The following DAPK2 variants were observed in gnomAD, a reference collection of about 807,000 sequenced individuals.
DAPK2 encodes death associated protein kinase 2, also known as death-associated protein kinase 2.
A neutral mutation model predicts 44.1 loss-of-function variants in DAPK2; 35 were observed. The observed-to-expected ratio is 0.79, with a 90% CI of 0.61 to 1.05. DAPK2 has a LOEUF of 1.05. Among genes scored for constraint, DAPK2 ranks in the 50% least tolerant of loss-of-function variants. The pLI is 0.00. For missense variants in DAPK2, 453 were observed against 483.2 expected (o/e 0.94, Z 0.59); for synonymous variants, 174 against 182.6 (o/e 0.95, Z 0.38).
chr15:63,909,871 G>C (rs1316827795), intron 10 of DAPK2: 1 of 152,178 alleles, frequency 6.6e-6, no homozygotes, highest in Non-Finnish European at 1.5e-5. Context: ...TATCTGTCAG[G>C]GAAGAAGGGC....
rs570899155 is a variant in DAPK2, at chr15:63,923,025, G to A, written c.858+1791C>T. The A allele has an allele frequency of 3.9e-5, 60 of 1,535,698 alleles. No individual in the cohort carries two copies. Among genetic ancestry groups the A allele is most frequent in the South Asian group, 9.5e-5 (8 of 84,038 alleles). On this transcript the variant is annotated intron_variant, in intron 8 of 10. Transcript: ENST00000261891. The surrounding 1 kb of genome is among the most constrained non-coding windows in gnomAD (Gnocchi z 4.2). ...AGCTTCTTCAATGACTCCACCTTGC[G>A]GAACTCATACCTGAGCTGGGACAGG... is the stretch of plus-strand genomic sequence containing the variant.
intron 1 of DAPK2, among the ~76,000 whole-genome samples, chr15:63,991,724 A>T (rs2078825313): frequency 6.6e-6 from 1 of 152,208 alleles, no homozygotes; most frequent in African/African-American, 2.4e-5. Flanking sequence ...AAGAAGTTTC[A>T]AATCATAAAT....
intron 1 of DAPK2, among the ~76,000 whole-genome samples, chr15:64,038,526 G>A (rs1293867677): frequency 6.6e-6 from 1 of 152,114 alleles, no homozygotes; most frequent in East Asian, 1.9e-4. Flanking sequence ...CCAAGACTGG[G>A]AAAAGTCATT....
chr15:63,969,750 A>G (rs1397342612), intron 3 of DAPK2, among the ~76,000 whole-genome samples: 2 of 152,084 alleles, frequency 1.3e-5, no homozygotes, highest in East Asian at 3.9e-4. Flanking sequence ...TTAAAAAAAA[A>G]AAAAAAGTGA....
chr15:64,038,305 T>C (rs1410036559), intron 1 of DAPK2, among the ~76,000 whole-genome samples: 3 of 152,212 alleles, frequency 2.0e-5, no homozygotes, highest in Admixed American at 6.5e-5. Flanking sequence ...GACCCCTGCA[T>C]GCAGGACATG....
intron 1 of DAPK2, chr15:63,991,110 G>A (rs907428379): frequency 5.0e-6 from 2 of 397,644 alleles, no homozygotes; most frequent in Admixed American, 5.7e-5. Flanking sequence ...AGCAAGCAAG[G>A]GACCAGATAT....
upstream of DAPK2, among the ~76,000 whole-genome samples, chr15:64,044,953 G>C (rs2080426537): frequency 6.6e-6 from 1 of 152,162 alleles, no homozygotes; most frequent in Admixed American, 6.5e-5. Context: ...CGGCATTACA[G>C]AGCTCCTCTC....
At chr15:64,026,342 C>T (rs1160648061) in intron 1 of DAPK2, among the ~76,000 whole-genome samples, 2 of 152,136 alleles carry the variant, frequency 1.3e-5, no homozygotes, top group Non-Finnish European at 2.9e-5. Context: ...CTTCCGGGCT[C>T]AAGCAATCCT....
In DAPK2 at chr15:63,939,617, T is replaced by A. The variant is rs1393974080; in HGVS notation, c.454-256A>T. On this transcript the variant is annotated intron_variant, in intron 3 of 10. Transcript: ENST00000261891. The surrounding 1 kb of genome is among the most constrained non-coding windows in gnomAD (Gnocchi z 4.3). ...TTCTGCTCACAGCAGAACTGAAGAC[T>A]CCAGCCTTCATCTCCATTCTGTCTC... Among the ~76,000 whole-genome samples the A allele has an allele frequency of 6.6e-6, 1 of 152,202 alleles. No individual in the cohort carries two copies. Among genetic ancestry groups the A allele is most frequent in the Non-Finnish European group, 1.5e-5 (1 of 68,038 alleles).
chr15:64,006,020 G>C (rs553667926), intron 1 of DAPK2, among the ~76,000 whole-genome samples: 2 of 143,166 alleles, frequency 1.4e-5, no homozygotes, highest in South Asian at 2.2e-4. Context: ...CTGGGTGACA[G>C]AGCCAGATCC....
rs928816447 is a variant in DAPK2, at chr15:63,924,925, G to A, written c.813-64C>T. ...ACAGAAGTTGGGAGCAACCATCTCC[G>A]TTCTCACTCTTTTTAGACCTATATT... On this transcript the variant is annotated intron_variant, in intron 7 of 10. Coordinates refer to ENST00000261891, the Ensembl canonical transcript of DAPK2. The A allele has an allele frequency of 3.0e-5, 47 of 1,563,610 alleles. 1 individual carries two copies. Among genetic ancestry groups the A allele is most frequent in the African/African-American group, 1.6e-4 (12 of 73,836 alleles).
At chr15:64,012,131 C>T (rs2079404813) in intron 1 of DAPK2, among the ~76,000 whole-genome samples, 1 of 152,192 alleles carries the variant, frequency 6.6e-6, no homozygotes, top group African/African-American at 2.4e-5. Context: ...GGCAAACATA[C>T]ATTACTGACT....
chr15:63,995,067 G>A (rs189370552), intron 1 of DAPK2, among the ~76,000 whole-genome samples: 86 of 152,174 alleles, frequency 5.7e-4, no homozygotes, highest in Non-Finnish European at 2.9e-5. Flanking sequence ...GTAAACCATG[G>A]TTTTTAAAGC....
intron 4 of DAPK2, among the ~76,000 whole-genome samples, chr15:63,934,558 ATTGTT>A (rs2077083038): frequency 6.7e-6 from 1 of 150,274 alleles, no homozygotes; most frequent in South Asian, 2.1e-4. Flanking sequence ...CACCCAGCCT[ATTGTT>A]TTGTTTTGTG....
In DAPK2 at chr15:63,908,506, G is replaced by A. The variant is rs1474669930; in HGVS notation, c.*14C>T. The A allele has an allele frequency of 3.2e-6, 5 of 1,567,556 alleles. No individual in the cohort carries two copies. The highest frequency in any genetic ancestry group is 4.3e-6 in the Non-Finnish European group (5 of 1,155,150). ...GGCCCAGACCTCCCTGGCGGCCACTGCAGGTCAGGCCAGTTAGGAGGTGCT... is the reference window on the plus strand; with the variant it reads ...GGCCCAGACCTCCCTGGCGGCCACTACAGGTCAGGCCAGTTAGGAGGTGCT... On this transcript the variant is annotated 3_prime_UTR_variant, in exon 11 of 11. Transcript: ENST00000261891. The surrounding 1 kb of genome is among the most constrained non-coding windows in gnomAD (Gnocchi z 5.7).
chr15:64,038,986 C>T (rs2080284982), intron 1 of DAPK2, among the ~76,000 whole-genome samples: 1 of 152,174 alleles, frequency 6.6e-6, no homozygotes, highest in Admixed American at 6.5e-5. Context: ...CTACCTATGA[C>T]CTGGAAGCCC....
chr15:63,918,227 AT>A (rs2078980335), intron 8 of DAPK2: 1 of 152,294 alleles, frequency 6.6e-6, no homozygotes, highest in Non-Finnish European at 1.5e-5. Flanking sequence ...CATCTTCATG[AT>A]CACCTGTAAG....
rs1346531175 is a variant in DAPK2, at chr15:63,917,217, G to C, written c.859-5020C>G. The stretch of plus-strand genomic sequence containing the variant: ...ATCTCTACTAAAAATACAAAAACTA[G>C]TTGGGTGTGGTGGTGGGTGCCTGTA... On this transcript the variant is annotated intron_variant, in intron 8 of 10. Transcript: ENST00000261891. This position sits in a 1 kb window ranked among gnomAD's most constrained non-coding sequence, Gnocchi z 4.4. 6.6e-6 allele frequency: 1 copy of C among 152,154 alleles called. No individual in the cohort carries two copies. Among genetic ancestry groups the C allele is most frequent in the Non-Finnish European group, 1.5e-5 (1 of 68,034 alleles). 9.4% of individuals were successfully genotyped at this position (152,154 alleles called of 1,614,324 possible). A position where few individuals can be genotyped will look rare whatever the true frequency, so the allele number is the denominator to read the frequency against.
intron 3 of DAPK2, among the ~76,000 whole-genome samples, chr15:63,952,707 T>C (rs1413228377): frequency 2.6e-5 from 4 of 152,064 alleles, no homozygotes; most frequent in Non-Finnish European, 5.9e-5. Context: ...TTATGGGGTA[T>C]GTGAGATATT....
Sources: allele counts gnomAD v4.1 joint callset (sites outside exome capture counted in the v4.1 genomes callset), GRCh38; gene constraint gnomAD v4.1.1; non-coding constraint Gnocchi (gnomAD v3.1); transcripts MANE v1.5; gene names NCBI Gene and HGNC (gene_info 2026-07-23, HGNC 2026-07-21).